The following PTPRC variants were observed in gnomAD, a reference collection of about 807,000 sequenced individuals.
PTPRC encodes receptor-type tyrosine-protein phosphatase C.
Under a neutral mutation model 155.9 loss-of-function variants are expected in PTPRC, and 44 were observed. The ratio of observed to expected loss-of-function variants is 0.28; its 90% CI spans 0.22 to 0.36. The LOEUF (loss-of-function observed/expected upper bound fraction) is 0.36. PTPRC is among the 10% of genes least tolerant of loss of function. The pLI, the probability that PTPRC is intolerant of heterozygous loss-of-function variation, is 1.00. For synonymous variants in PTPRC, 525 were observed against 533.1 expected (o/e 0.98, Z 0.21); for missense variants, 1,401 against 1,564.6 (o/e 0.90, Z 1.76).
chr1:198,734,281 C>T (rs750605610), intron 21 of PTPRC, 47 bp from the exon 22 acceptor site: 21 of 1,608,982 alleles, frequency 1.3e-5, no homozygotes, highest in Non-Finnish European at 8.5e-7. Context: ...TTTTATAGCA[C>T]TTTTAAGAAA....
intron 2 of PTPRC, among the ~76,000 whole-genome samples, chr1:198,672,338 G>A (rs1317798640): frequency 6.6e-6 from 1 of 152,154 alleles, no homozygotes; most frequent in Non-Finnish European, 1.5e-5. Flanking sequence ...AGGAATCTGG[G>A]TCCTGATACC....
At chr1:198,740,715 C>A (rs929853299) in intron 23 of PTPRC, among the ~76,000 whole-genome samples, 1 of 151,744 alleles carries the variant, frequency 6.6e-6, no homozygotes, top group African/African-American at 2.4e-5. Context: ...TTATGAGATG[C>A]TACTATGAGC....
At chr1:198,685,188 A>G (rs1665552207) in intron 2 of PTPRC, among the ~76,000 whole-genome samples, 1 of 151,972 alleles carries the variant, frequency 6.6e-6, no homozygotes, top group African/African-American at 2.4e-5. Context: ...ATATTAATAT[A>G]CCCAATATTT....
chr1:198,712,264 T>G (rs1273982471), intron 11 of PTPRC, among the ~76,000 whole-genome samples: 1 of 152,234 alleles, frequency 6.6e-6, no homozygotes, highest in African/African-American at 2.4e-5. Flanking sequence ...TCATTTTATT[T>G]ACATGCAATG....
In PTPRC at chr1:198,699,614, A is replaced by T. The variant is rs1571847453; in HGVS notation, c.349A>T (p.Thr117Ser). 1 of 1,614,164 alleles carries T rather than the reference A, an allele frequency of 6.2e-7. No homozygotes were observed. Among genetic ancestry groups the T allele is most frequent in the Non-Finnish European group, 8.5e-7 (1 of 1,180,022 alleles). Residue 117 changes from threonine to serine, a missense_variant, in exon 5 of 33, where the codon ACG becomes TCG. Coordinates refer to ENST00000442510, the MANE Select transcript of PTPRC (RefSeq NM_002838.5). ...CCTTCCCACGCACGCAGACTCGCAG[A>T]CGCCCTCTGCTGGAACTGACACGCA... ...PHLPTHADSQ[T>S]PSAGTDTQTF...
At chr1:198,728,795 T>G (rs1414640927) in intron 16 of PTPRC, among the ~76,000 whole-genome samples, 2 of 152,138 alleles carry the variant, frequency 1.3e-5, no homozygotes, top group African/African-American at 4.8e-5. Flanking sequence ...GTTAATGTGT[T>G]TCTTTGGTCA....
At chr1:198,736,654 T>C (rs1654652361) in intron 23 of PTPRC, among the ~76,000 whole-genome samples, 1 of 151,680 alleles carries the variant, frequency 6.6e-6, no homozygotes. Context: ...AACGTGGGAG[T>C]GCAGATTATC....
At chr1:198,752,868 C>G in intron 31 of PTPRC, 96 bp downstream of exon 31, 1 of 1,369,092 alleles carries the variant, frequency 7.3e-7, no homozygotes, top group East Asian at 2.4e-5. Context: ...ATATGAAACA[C>G]ATAACCACAG....
intron 2 of PTPRC, among the ~76,000 whole-genome samples, chr1:198,662,444 C>CTGTGTGTGTG (rs5779935): frequency 1.3e-4 from 17 of 131,150 alleles, no homozygotes; most frequent in African/African-American, 2.3e-4. Flanking sequence ...TTTCTGAGAG[C>CTGTGTGTGTG]TGTGTGTGTG....
rs1025931865 is a variant in PTPRC at position 198,688,936 on chromosome 1, T to A, written c.74-3411T>A. ...GGCCTTGTGAACTTGGCCAAGACAC[T>A]TGACTTTTCTAAGCTTCTTAGGGTT... On this transcript the variant is annotated intron_variant, in intron 2 of 32. Transcript: ENST00000442510. 2.0e-5 allele frequency among the ~76,000 whole-genome samples: 3 copies of A among 152,178 alleles called. No homozygotes were observed. In the South Asian group the frequency reaches 6.2e-4, roughly 32 times the overall value.
chr1:198,672,923 G>A (rs1168815462), intron 2 of PTPRC, among the ~76,000 whole-genome samples: 2 of 152,148 alleles, frequency 1.3e-5, no homozygotes, highest in Non-Finnish European at 2.9e-5. Context: ...CCTGTCACCT[G>A]AGGATATTGT....
intron 2 of PTPRC, among the ~76,000 whole-genome samples, chr1:198,690,956 A>G (rs1191084879): frequency 6.6e-6 from 1 of 152,060 alleles, no homozygotes; most frequent in African/African-American, 2.4e-5. Flanking sequence ...ATGTTAATGC[A>G]CCATGTTTAT....
At chr1:198,645,194 A>G (rs1399337157) in intron 2 of PTPRC, among the ~76,000 whole-genome samples, 7 of 151,848 alleles carry the variant, frequency 4.6e-5, no homozygotes, top group African/African-American at 1.7e-4. Context: ...ACAAGAAGAC[A>G]TTCTCTGCAT....
intron 23 of PTPRC, among the ~76,000 whole-genome samples, chr1:198,735,713 G>T (rs1051094627): frequency 6.2e-4 from 94 of 151,576 alleles, no homozygotes; most frequent in Admixed American, 5.9e-3. Context: ...AAAATAAGGA[G>T]GTCATTGTGG....
rs554238594 is a variant in PTPRC, at chr1:198,748,091, T to TG, written c.2848-18_2848-17insG. ...TTACATTTTAAAGGAGTTTTTCTGT[T>TG]TTTTTTTTTTTTTTCAGAGACTTCC... On this transcript the variant is annotated splice_polypyrimidine_tract_variant and intron_variant, in intron 26 of 32. Coordinates refer to ENST00000442510, the MANE Select transcript of PTPRC (RefSeq NM_002838.5). 9 of 934,144 alleles carry TG rather than the reference T, an allele frequency of 9.6e-6. No individual in the cohort carries two copies. Among genetic ancestry groups the TG allele is most frequent in the Middle Eastern group, 6.6e-4 (2 of 3,022 alleles). The allele number at this position is 934,144 out of a possible 1,614,324, so 57.9% of individuals were successfully genotyped here. A position where few individuals can be genotyped will look rare whatever the true frequency, so the allele number is the denominator to read the frequency against.
chr1:198,702,640 C>A, intron 6 of PTPRC, 110 bp downstream of exon 6: 2 of 1,465,164 alleles, frequency 1.4e-6, no homozygotes, highest in East Asian at 4.5e-5. Context: ...GTAGGTTTCC[C>A]ATTTTACAAA....
chr1:198,683,590 A>C (rs1665458150), intron 2 of PTPRC, among the ~76,000 whole-genome samples: 1 of 152,062 alleles, frequency 6.6e-6, no homozygotes, highest in Non-Finnish European at 1.5e-5. Context: ...AGTTGTTCTT[A>C]ACCCTTGTTT....
intron 12 of PTPRC, 116 bp downstream of exon 12, chr1:198,713,188 A>G (rs1052501956): frequency 2.8e-6 from 4 of 1,413,300 alleles, no homozygotes; most frequent in Non-Finnish European, 3.0e-6. Context: ...CTGCATAGGC[A>G]TAGTATACTC....
In PTPRC at chr1:198,731,507, C is replaced by T. The variant is rs41269907; in HGVS notation, c.1865-110C>T. On this transcript the variant is annotated intron_variant, in intron 17 of 32. Transcript: ENST00000442510. ...TGAGATTTCTCAGATGAAATGTGTA[C>T]GAGGAGGAAAGAAGCTAAAGGATTG... is the stretch of plus-strand genomic sequence containing the variant. 12,183 of 787,020 alleles carry T rather than the reference C, an allele frequency of 0.015. 149 individuals carry two copies. Among genetic ancestry groups the T allele is most frequent in the Non-Finnish European group, 0.016 (7,466 of 453,050 alleles). The allele number at this position is 787,020 out of a possible 1,614,324, so 48.8% of individuals were successfully genotyped here. A position where few individuals can be genotyped will look rare whatever the true frequency, so the allele number is the denominator to read the frequency against.
Sources: gnomAD v4.1 joint callset for allele counts (sites outside exome capture counted in the v4.1 genomes callset) on GRCh38, gnomAD v4.1.1 for gene constraint, MANE v1.5 for transcripts, NCBI Gene and HGNC (gene_info 2026-07-23, HGNC 2026-07-21) for gene names.